Variants in BMPR1A observed in about 807,000 individuals in gnomAD.
The protein encoded by BMPR1A is bone morphogenetic protein receptor type-1A.
BMPR1A carries 7 observed loss-of-function variants against 66.0 expected under a neutral mutation model. The ratio of observed to expected loss-of-function variants is 0.11; its 90% confidence interval spans 0.06 to 0.20. The LOEUF (loss-of-function observed/expected upper bound fraction) is 0.20, where lower values mean the gene tolerates loss of function less well. BMPR1A is among the 10% of genes least tolerant of loss of function. BMPR1A has a pLI of 1.00. For synonymous variants in BMPR1A, 200 were observed against 229.7 expected (o/e 0.87, Z 1.17); for missense variants, 408 against 669.1 (o/e 0.61, Z 4.31).
intron 2 of BMPR1A, among the ~76,000 whole-genome samples, chr10:86,844,099 G>A (rs2133139900): frequency 6.6e-6 from 1 of 152,244 alleles, no homozygotes; most frequent in South Asian, 2.1e-4. Context: ...TCTAAATGTA[G>A]AGAAACATTA....
At chr10:86,932,044 G>GTATAT (rs1843815088), downstream of BMPR1A, 1 of 152,080 alleles carries the variant, frequency 6.6e-6, no homozygotes, top group Non-Finnish European at 1.5e-5. Context: ...ATAGTATAAG[G>GTATAT]ACTGCCATTT....
At chr10:86,794,827 TAG>T (rs1564687408) in intron 1 of BMPR1A, among the ~76,000 whole-genome samples, 4 of 151,318 alleles carry the variant, frequency 2.6e-5, no homozygotes, top group African/African-American at 9.7e-5. Context: ...TCTATATCTA[TAG>T]ATATAGATAT....
chr10:86,923,776 A>C lies in BMPR1A; in HGVS notation c.*57A>C, dbSNP rs1282064916. 6.3e-7 allele frequency: 1 copy of C among 1,598,208 alleles called. No individual in the cohort carries two copies. Among genetic ancestry groups the C allele is most frequent in the African/African-American group, 1.3e-5 (1 of 74,536 alleles). On this transcript the variant is annotated 3_prime_UTR_variant, in exon 13 of 13. Transcript: ENST00000372037. ...TGCAAGAACTGTTTTTACCCATGGCATGGGTGGAATTAGAGTGGAATAAGG... is the reference window on the plus strand; with the variant it reads ...TGCAAGAACTGTTTTTACCCATGGCCTGGGTGGAATTAGAGTGGAATAAGG...
chr10:86,857,684 A>G (rs1014244435), intron 2 of BMPR1A, among the ~76,000 whole-genome samples: 2 of 149,498 alleles, frequency 1.3e-5, no homozygotes, highest in South Asian at 2.1e-4. Flanking sequence ...TCTTCACCCT[A>G]TGGGCCTTCC....
intron 7 of BMPR1A, 70 bp from the exon 8 acceptor site, chr10:86,912,170 C>T (rs1843499436): frequency 6.5e-7 from 1 of 1,536,976 alleles, no homozygotes; most frequent in Admixed American, 1.8e-5. Context: ...GTATAGAGAA[C>T]CTCAAGGTTT....
intron 1 of BMPR1A, among the ~76,000 whole-genome samples, chr10:86,822,180 C>T (rs1842129710): frequency 6.6e-6 from 1 of 152,086 alleles, no homozygotes; most frequent in Non-Finnish European, 1.5e-5. Flanking sequence ...CCAACTTTAG[C>T]ATGTGTCATG....
intron 7 of BMPR1A, 140 bp from the exon 8 acceptor site, chr10:86,912,100 G>T: frequency 6.9e-6 from 6 of 872,692 alleles, no homozygotes; most frequent in Non-Finnish European, 1.1e-5. Context: ...TATTTAACAG[G>T]ATATATTATC....
chr10:86,929,569 T>TG (rs2133665466), downstream of BMPR1A: 1 of 152,354 alleles, frequency 6.6e-6, no homozygotes, highest in South Asian at 2.1e-4. Context: ...TCAAAAGAAA[T>TG]GCGTGTCTGA....
chr10:86,905,091 C>A (rs1843366903), intron 7 of BMPR1A, among the ~76,000 whole-genome samples: 1 of 152,200 alleles, frequency 6.6e-6, no homozygotes, highest in Non-Finnish European at 1.5e-5. Context: ...TTGTTTGCCT[C>A]ATTAATATTT....
At chr10:86,771,163 A>G (rs1841253481) in intron 1 of BMPR1A, among the ~76,000 whole-genome samples, 1 of 152,246 alleles carries the variant, frequency 6.6e-6, no homozygotes, top group Non-Finnish European at 1.5e-5. Context: ...TATTAATTCA[A>G]ATATCTTAAT....
At chr10:86,884,227 G>A (rs1015601820) in intron 3 of BMPR1A, among the ~76,000 whole-genome samples, 2 of 151,596 alleles carry the variant, frequency 1.3e-5, no homozygotes, top group Non-Finnish European at 2.9e-5. Context: ...TGGAACTACA[G>A]GTGTGCTCCA....
intron 1 of BMPR1A, among the ~76,000 whole-genome samples, chr10:86,766,883 G>C (rs531261488): frequency 2.6e-5 from 4 of 151,156 alleles, no homozygotes; most frequent in African/African-American, 9.7e-5. Context: ...GAGTGCAGTG[G>C]TGCCATCCTG....
At chr10:86,788,824 C>G (rs920891382) in intron 1 of BMPR1A, among the ~76,000 whole-genome samples, 1 of 152,050 alleles carries the variant, frequency 6.6e-6, no homozygotes, top group Admixed American at 6.6e-5. Flanking sequence ...CCAGGCTGGT[C>G]TCGAACTCCT....
At chr10:86,836,970 G>A (rs570429966) in intron 1 of BMPR1A, among the ~76,000 whole-genome samples, 90 of 152,276 alleles carry the variant, frequency 5.9e-4, no homozygotes, top group African/African-American at 2.1e-3. Context: ...TGAAGTTTAT[G>A]TTAAGTGTTT....
At chr10:86,866,407 T>TTTTCTTTTTTC (rs1435377103) in intron 2 of BMPR1A, among the ~76,000 whole-genome samples, 1 of 109,030 alleles carries the variant, frequency 9.2e-6, no homozygotes, top group Non-Finnish European at 1.8e-5. Context: ...TTCTTTTTTT[T>TTTTCTTTTTTC]TTTTTTTTTT....
chr10:86,840,954 T>C (rs529363890), intron 2 of BMPR1A, among the ~76,000 whole-genome samples: 28 of 152,334 alleles, frequency 1.8e-4, no homozygotes, highest in African/African-American at 6.7e-4. Flanking sequence ...ATCTCCCAGC[T>C]TGTGCTGCTT....
rs184874722 is a variant in BMPR1A at position 86,796,370 on chromosome 10, A to G, written c.-268+39451A>G. Among the ~76,000 whole-genome samples the G allele has an allele frequency of 4.2e-3, 643 of 151,872 alleles. 8 individuals are homozygous for G. The highest frequency in any genetic ancestry group is 0.015 in the African/African-American group (608 of 41,406). ...CATTATTTGTCCATTAAGAAATACT[A>G]TTTTTTTCTTCACTTTTAGGTCATT... On this transcript the variant is annotated intron_variant, in intron 1 of 12. Coordinates refer to ENST00000372037, the MANE Select transcript of BMPR1A (RefSeq NM_004329.3).
At chr10:86,797,387 T>A (rs1487072315) in intron 1 of BMPR1A, among the ~76,000 whole-genome samples, 1 of 151,998 alleles carries the variant, frequency 6.6e-6, no homozygotes, top group Non-Finnish European at 1.5e-5. Flanking sequence ...CCCACCACTA[T>A]GTCCAGCTAA....
rs750274275 is a variant in BMPR1A, at chr10:86,912,337, A to G, written c.628A>G (p.Ile210Val). 9 of 1,614,036 alleles carry G rather than the reference A, an allele frequency of 5.6e-6. 1 individual carries two copies. The South Asian group carries it at 9.9e-5, about 18-fold the overall frequency. ...IPVGESLKDL[I>V]DQSQSSGSGS... ...AGTTGGAGAATCACTAAAAGACCTT[A>G]TTGACCAGTCACAAAGTTCTGGTAG... The change falls in exon 8 of 13, where the codon ATT becomes GTT. Residue 210 changes from isoleucine to valine, a missense_variant. Ile to Val is a conservative substitution (Grantham distance 29). Transcript: ENST00000372037.
Sources: gnomAD v4.1 joint callset for allele counts (sites outside exome capture counted in the v4.1 genomes callset) on GRCh38, gnomAD v4.1.1 for gene constraint, MANE v1.5 for transcripts, NCBI Gene and HGNC (gene_info 2026-07-23, HGNC 2026-07-21) for gene names.